The following AGBL4 variants were observed in gnomAD, a reference collection of about 807,000 sequenced individuals.
AGBL4 encodes the protein cytosolic carboxypeptidase 6.
In AGBL4, 58 loss-of-function variants were observed where a neutral mutation model predicts 66.4. The ratio of observed to expected loss-of-function variants is 0.87; its 90% CI spans 0.71 to 1.09. The LOEUF is 1.09. Ranked by LOEUF, AGBL4 falls within the 50% of genes least tolerant of loss-of-function variation. The pLI, the probability that AGBL4 is intolerant of heterozygous loss-of-function variation, is 0.00. For missense variants in AGBL4, 579 were observed against 631.0 expected, an observed-to-expected ratio of 0.92 and a Z score of 0.88; for synonymous variants, 234 against 222.9, an observed-to-expected ratio of 1.05 and a Z score of -0.44.
chr1:48,570,686 C>G (rs1346455448), intron 11 of AGBL4, among the ~76,000 whole-genome samples: 1 of 152,160 alleles, frequency 6.6e-6, no homozygotes, highest in African/African-American at 2.4e-5. Context: ...AGATTCCCAG[C>G]TTTCTAAAAC....
intron 4 of AGBL4, among the ~76,000 whole-genome samples, chr1:49,049,944 C>G (rs150342089): frequency 5.8e-4 from 88 of 152,168 alleles, no homozygotes; most frequent in Non-Finnish European, 8.1e-4. Context: ...TTCCTCTCAA[C>G]AATCCTCTGA....
At chr1:48,810,278 G>A (rs1242557635) in intron 6 of AGBL4, among the ~76,000 whole-genome samples, 2 of 152,194 alleles carry the variant, frequency 1.3e-5, no homozygotes, top group Non-Finnish European at 2.9e-5. Context: ...TTGACAGTGG[G>A]CAAGCTGAAA....
At chr1:48,859,391 T>C (rs986702086) in intron 6 of AGBL4, among the ~76,000 whole-genome samples, 1 of 152,200 alleles carries the variant, frequency 6.6e-6, no homozygotes, top group Non-Finnish European at 1.5e-5. Context: ...TCCACACTGG[T>C]TCCATGGGCT....
intron 4 of AGBL4, among the ~76,000 whole-genome samples, chr1:49,173,730 A>G (rs976377849): frequency 6.6e-6 from 1 of 152,230 alleles, no homozygotes; most frequent in Non-Finnish European, 1.5e-5. Flanking sequence ...AGGAAAGGTG[A>G]CATTTGAGCA....
intron 5 of AGBL4, among the ~76,000 whole-genome samples, chr1:48,942,444 T>TCTGTTAA (rs1386762668): frequency 6.6e-6 from 1 of 152,158 alleles, no homozygotes; most frequent in African/African-American, 2.4e-5. Context: ...AGATTCCTCA[T>TCTGTTAA]CTGTTAAATA....
intron 3 of AGBL4, among the ~76,000 whole-genome samples, chr1:49,526,118 A>C (rs938477958): frequency 9.2e-5 from 14 of 151,862 alleles, no homozygotes; most frequent in African/African-American, 2.9e-4. Context: ...AACAAAAAAA[A>C]ACCATTAGGC....
In AGBL4 at chr1:48,534,004, T is replaced by C. The variant is rs1201946674; in HGVS notation, c.*169A>G. 1.6e-5 allele frequency: 19 copies of C among 1,158,550 alleles called. No individual in the cohort carries two copies. The highest frequency in any genetic ancestry group is 6.2e-5 in the African/African-American group (4 of 64,600). The allele number at this position is 1,158,550 out of a possible 1,614,324, so 71.8% of individuals were successfully genotyped here. A position where few individuals can be genotyped will look rare whatever the true frequency, so the allele number is the denominator to read the frequency against. ...CTGAAGGCTTACAATTGATTTTCCA[T>C]TGGAAAAAGGGAAAATCAGTGATGA... On this transcript the variant is annotated 3_prime_UTR_variant, in exon 14 of 14. Transcript: ENST00000371839.
chr1:49,101,616 T>C (rs554129698), intron 4 of AGBL4, among the ~76,000 whole-genome samples: 3 of 152,346 alleles, frequency 2.0e-5, no homozygotes, highest in Non-Finnish European at 2.9e-5. Flanking sequence ...TTTAAATCCT[T>C]ACTCTTTGAC....
At chr1:49,608,487 A>G (rs1367739271) in intron 3 of AGBL4, among the ~76,000 whole-genome samples, 1 of 152,206 alleles carries the variant, frequency 6.6e-6, no homozygotes, top group Non-Finnish European at 1.5e-5. Flanking sequence ...CCTTATTACC[A>G]GTCCCATCCA....
intron 1 of AGBL4, among the ~76,000 whole-genome samples, chr1:49,976,794 C>T (rs1351296792): frequency 6.6e-6 from 1 of 152,198 alleles, no homozygotes; most frequent in East Asian, 1.9e-4. Flanking sequence ...CAGGCAGGTC[C>T]ACTATTCTCC....
At chr1:48,632,161 T>C (rs895069637) in intron 9 of AGBL4, among the ~76,000 whole-genome samples, 4 of 152,076 alleles carry the variant, frequency 2.6e-5, no homozygotes, top group African/African-American at 9.7e-5. Context: ...GGGATGCTAT[T>C]CCAGGCCAGC....
At chr1:49,727,130 G>T (rs1209949858) in intron 2 of AGBL4, among the ~76,000 whole-genome samples, 1 of 152,096 alleles carries the variant, frequency 6.6e-6, no homozygotes, top group African/African-American at 2.4e-5. Flanking sequence ...TAAAAGACTA[G>T]TTGAGGGTGA....
Position 48,590,892 on chromosome 1 carries a change from ACCGTTCCTCAT to A in AGBL4, c.1034_1044del (p.Asp345ValfsTer16). ...TTGGGAAAAATGGCCTGCCTCTGGA[ACCGTTCCTCAT>A]CCTCAAAGATGTTGCCATACATGAA... is the stretch of plus-strand genomic sequence containing the variant. On this transcript the variant is annotated frameshift_variant, in exon 10 of 14. Transcript: ENST00000371839. LOFTEE classifies it high-confidence loss of function. 1.9e-6 allele frequency: 3 copies of A among 1,608,264 alleles called. No individual in the cohort carries two copies. Among genetic ancestry groups the A allele is most frequent in the Non-Finnish European group, 2.5e-6 (3 of 1,177,478 alleles).
At chr1:49,913,282 G>A (rs999335006) in intron 1 of AGBL4, among the ~76,000 whole-genome samples, 4 of 152,338 alleles carry the variant, frequency 2.6e-5, no homozygotes, top group African/African-American at 9.6e-5. Flanking sequence ...TGGTGGAAAA[G>A]GCATAGGATA....
chr1:49,391,136 G>A (rs1367140609), intron 3 of AGBL4, among the ~76,000 whole-genome samples: 1 of 152,168 alleles, frequency 6.6e-6, no homozygotes, highest in Non-Finnish European at 1.5e-5. Context: ...GTGGGAACTG[G>A]TAATAGTTGA....
intron 5 of AGBL4, among the ~76,000 whole-genome samples, chr1:49,044,245 C>T (rs1166134576): frequency 6.6e-6 from 1 of 152,086 alleles, no homozygotes; most frequent in African/African-American, 2.4e-5. Flanking sequence ...CATCTGTAAT[C>T]CCAGCACTTT....
intron 3 of AGBL4, among the ~76,000 whole-genome samples, chr1:49,305,122 C>A (rs746280327): frequency 5.3e-5 from 8 of 152,146 alleles, no homozygotes; most frequent in Non-Finnish European, 1.0e-4. Context: ...TGAACCCAAG[C>A]AATCTGGCTC....
intron 6 of AGBL4, among the ~76,000 whole-genome samples, chr1:48,691,752 C>G (rs141433766): frequency 0.015 from 2,315 of 152,290 alleles, 29 homozygotes; most frequent in South Asian, 0.06. Flanking sequence ...AGACAGCTGC[C>G]CAGCCTCACA....
intron 4 of AGBL4, among the ~76,000 whole-genome samples, chr1:49,078,911 T>C (rs1644759259): frequency 6.6e-6 from 1 of 152,178 alleles, no homozygotes; most frequent in African/African-American, 2.4e-5. Flanking sequence ...CATTAAAAAT[T>C]CAAGGCAAAA....
Sources: gnomAD v4.1 joint callset for allele counts (sites outside exome capture counted in the v4.1 genomes callset) on GRCh38, gnomAD v4.1.1 for gene constraint, MANE v1.5 for transcripts, NCBI Gene and HGNC (gene_info 2026-07-23, HGNC 2026-07-21) for gene names.